BANP: variants seen among roughly 807,000 people sequenced by gnomAD.
The protein encoded by BANP is protein BANP.
BANP carries 11 observed loss-of-function variants against 68.1 expected under a neutral mutation model. The ratio of observed to expected loss-of-function variants is 0.16; its 90% confidence interval spans 0.10 to 0.27. The LOEUF is 0.27. Among genes scored for constraint, BANP ranks in the 10% least tolerant of loss-of-function variants. BANP has a pLI of 1.00. For missense variants in BANP, 504 were observed against 722.7 expected (o/e 0.70, Z 3.47); for synonymous variants, 329 against 303.2 (o/e 1.09, Z -0.88).
chr16:87,959,396 G>C (rs2058689817), intron 1 of BANP, among the ~76,000 whole-genome samples: 1 of 152,278 alleles, frequency 6.6e-6, no homozygotes, highest in Non-Finnish European at 1.5e-5. Context: ...CCCTGACCTA[G>C]AGTGTGTTTG....
At chr16:88,046,340 C>G (rs1039980588) in intron 11 of BANP, among the ~76,000 whole-genome samples, 14 of 152,136 alleles carry the variant, frequency 9.2e-5, no homozygotes, top group African/African-American at 3.1e-4. Context: ...AGGACGGAAC[C>G]TTTTAAAGCA....
intron 7 of BANP, among the ~76,000 whole-genome samples, chr16:88,023,168 G>T (rs1393390527): frequency 2.0e-5 from 3 of 152,190 alleles, no homozygotes; most frequent in African/African-American, 7.2e-5. Flanking sequence ...CTGAGAGCTG[G>T]GAGGAAGGTG....
At chr16:88,022,749 TC>T (rs1820243515) in intron 7 of BANP, among the ~76,000 whole-genome samples, 1 of 152,148 alleles carries the variant, frequency 6.6e-6, no homozygotes, top group Non-Finnish European at 1.5e-5. Flanking sequence ...CCTTTCCCTC[TC>T]CCAGCTTCTG....
At chr16:87,972,176 TC>T (rs1160981420) in intron 1 of BANP, among the ~76,000 whole-genome samples, 3 of 152,210 alleles carry the variant, frequency 2.0e-5, no homozygotes, top group African/African-American at 7.2e-5. Context: ...TGAGCTTTTT[TC>T]ATCTCTTTCA....
chr16:87,951,755 C>T (rs2056922145), intron 1 of BANP, among the ~76,000 whole-genome samples: 1 of 151,640 alleles, frequency 6.6e-6, no homozygotes, highest in South Asian at 2.1e-4. Flanking sequence ...CCCCACCGCG[C>T]CCGGCGTCCG....
rs1432441546 is a variant in BANP, at chr16:88,036,897, C to T, written c.1273-1076C>T. Among the ~76,000 whole-genome samples, 2 of 152,054 alleles carry T rather than the reference C, an allele frequency of 1.3e-5. No individual in the cohort carries two copies. The highest frequency in any genetic ancestry group is 2.4e-5 in the African/African-American group (1 of 41,398). ...TCAGGAGATGCGCCTGTCAGCTCAG[C>T]GAGGTCAGGTGCAGGAGTTGGGGGC... On this transcript the variant is annotated intron_variant, in intron 10 of 13. Transcript: ENST00000682872. This position sits in a 1 kb window ranked among gnomAD's most constrained non-coding sequence, Gnocchi z 4.2.
chr16:87,975,697 G>T (rs982334778), intron 2 of BANP, among the ~76,000 whole-genome samples: 1 of 150,322 alleles, frequency 6.7e-6, no homozygotes, highest in Non-Finnish European at 1.5e-5. Context: ...ACCATGTGGT[G>T]TGTGTAATCC....
Position 88,019,496 on chromosome 16 carries a change from G to A in BANP, c.895+829G>A, listed in dbSNP as rs1209604376. On this transcript the variant is annotated intron_variant, in intron 7 of 13. Transcript: ENST00000682872. ...AAATGTAAATCTGATCTCGAAACAG[G>A]GCGAGCGAGGCAGAGCATTCAGCGT... is the stretch of plus-strand genomic sequence containing the variant. Among the ~76,000 whole-genome samples, 3 of 149,826 alleles carry A rather than the reference G, an allele frequency of 2.0e-5. No homozygotes were observed. The East Asian group carries it at 6.0e-4, about 30-fold the overall frequency.
At chr16:88,051,927 A>C (rs1567878325) in intron 11 of BANP, among the ~76,000 whole-genome samples, 1 of 152,174 alleles carries the variant, frequency 6.6e-6, no homozygotes, top group Non-Finnish European at 1.5e-5. Flanking sequence ...TGAGGAGTTT[A>C]AGAAAATAAA....
intron 13 of BANP, among the ~76,000 whole-genome samples, chr16:88,075,265 G>A (rs1295733863): frequency 1.3e-5 from 2 of 152,226 alleles, no homozygotes; most frequent in African/African-American, 4.8e-5. Flanking sequence ...AGAACTGCTT[G>A]AACCCGGGAG....
intron 6 of BANP, among the ~76,000 whole-genome samples, chr16:88,015,539 C>T (rs1445861220): frequency 6.6e-6 from 1 of 152,212 alleles, no homozygotes. Context: ...GCCGATGCTG[C>T]TCCCCGCTCT....
chr16:88,069,080 G>A (rs190975789), intron 12 of BANP, among the ~76,000 whole-genome samples: 38 of 151,404 alleles, frequency 2.5e-4, no homozygotes, highest in South Asian at 8.6e-4. Context: ...GGCTTGCCCC[G>A]TCTCGTGAAA....
intron 1 of BANP, among the ~76,000 whole-genome samples, chr16:87,960,280 A>C (rs1233756139): frequency 6.6e-6 from 1 of 152,104 alleles, no homozygotes; most frequent in Non-Finnish European, 1.5e-5. Context: ...CTGGGAGATG[A>C]ATTTCAGTCT....
intron 8 of BANP, among the ~76,000 whole-genome samples, chr16:88,029,105 G>C (rs944386917): frequency 9.2e-5 from 14 of 152,072 alleles, no homozygotes; most frequent in African/African-American, 3.4e-4. Flanking sequence ...TCAGCAGTTT[G>C]AGACCAGCCT....
chr16:88,075,842 G>T (rs893103081), intron 13 of BANP, among the ~76,000 whole-genome samples: 2 of 151,504 alleles, frequency 1.3e-5, no homozygotes, highest in Non-Finnish European at 2.9e-5. Context: ...TGCCTCTTGG[G>T]TTCAAGTGAT....
chr16:87,950,219 G>C (rs2056682213), upstream of BANP, among the ~76,000 whole-genome samples: 1 of 152,144 alleles, frequency 6.6e-6, no homozygotes, highest in Non-Finnish European at 1.5e-5. Flanking sequence ...CTCGCCCTGT[G>C]TTTGGGAGCT....
chr16:88,023,115 G>C (rs2076324280), intron 7 of BANP, among the ~76,000 whole-genome samples: 1 of 152,176 alleles, frequency 6.6e-6, no homozygotes, highest in South Asian at 2.1e-4. Context: ...GCAGGGGTGG[G>C]TGTTTGTCTG....
intron 1 of BANP, among the ~76,000 whole-genome samples, chr16:87,967,622 A>ATTTTTTT (rs375783410): frequency 8.3e-6 from 1 of 120,580 alleles, no homozygotes; most frequent in Non-Finnish European, 1.7e-5. Flanking sequence ...CACCCAGTTA[A>ATTTTTTT]TTTTTTTTTT....
At position 88,057,797 on chromosome 16, in the gene BANP, C is replaced by T. The variant is rs1378165909; in HGVS notation, c.1312-7470C>T. On this transcript the variant is annotated intron_variant, in intron 11 of 13. Coordinates refer to ENST00000682872, the MANE Select transcript of BANP (RefSeq NM_001386991.1). This position sits in a 1 kb window ranked among gnomAD's most constrained non-coding sequence, Gnocchi z 4.6. ...CAGTGACTCGCGCTGGCCCTGTCCC[C>T]GCACCCTGGACTCCAGGGCAAGTGG... Among the ~76,000 whole-genome samples, 2 of 151,938 alleles carry T rather than the reference C, an allele frequency of 1.3e-5. No homozygotes were observed. The highest frequency in any genetic ancestry group is 6.5e-5 in the Admixed American group (1 of 15,270).
Sources: allele counts gnomAD v4.1 joint callset (sites outside exome capture counted in the v4.1 genomes callset), GRCh38; gene constraint gnomAD v4.1.1; non-coding constraint Gnocchi (gnomAD v3.1); transcripts MANE v1.5; gene names NCBI Gene and HGNC (gene_info 2026-07-23, HGNC 2026-07-21).